The following ZNF536 variants were observed in gnomAD, a reference collection of about 807,000 sequenced individuals.
ZNF536 encodes the protein zinc finger protein 536.
ZNF536 carries 13 observed loss-of-function variants against 84.5 expected under a neutral mutation model. That is an observed-to-expected ratio of 0.15 (90% CI 0.10 to 0.24). ZNF536 has a LOEUF of 0.24. Among genes scored for constraint, ZNF536 ranks in the 10% least tolerant of loss-of-function variants. The pLI is 1.00. For missense variants in ZNF536, 1,536 were observed against 1,747.5 expected (o/e 0.88, Z 2.16); for synonymous variants, 811 against 742.5 (o/e 1.09, Z -1.50).
intron 1 of ZNF536, among the ~76,000 whole-genome samples, chr19:30,563,449 C>T (rs1369368560): frequency 6.6e-6 from 1 of 152,176 alleles, no homozygotes; most frequent in Non-Finnish European, 1.5e-5. Flanking sequence ...CTCTCGTGGC[C>T]AATCGGTGGC....
At chr19:30,421,256 C>G (rs974257695) in intron 1 of ZNF536, among the ~76,000 whole-genome samples, 1 of 152,114 alleles carries the variant, frequency 6.6e-6, no homozygotes, top group Admixed American at 6.5e-5. Context: ...CCCATTTATT[C>G]AGAACTTCTT....
At chr19:30,299,836 A>G (rs1308191253) in intron 2 of ZNF536, among the ~76,000 whole-genome samples, 18 of 152,202 alleles carry the variant, frequency 1.2e-4, no homozygotes, top group Admixed American at 6.5e-4. Flanking sequence ...TGCCATTTTT[A>G]TTACCTTAAA....
At chr19:30,327,139 A>G (rs546073166) in intron 2 of ZNF536, among the ~76,000 whole-genome samples, 316 of 152,318 alleles carry the variant, frequency 2.1e-3, no homozygotes, top group African/African-American at 7.2e-3. Flanking sequence ...AAGTTAATTC[A>G]TTAATAAAAA....
intron 2 of ZNF536, among the ~76,000 whole-genome samples, chr19:30,525,177 T>C (rs1408624157): frequency 3.1e-4 from 47 of 152,160 alleles, no homozygotes; most frequent in Non-Finnish European, 4.4e-5. Context: ...TCCACCTGGA[T>C]GGAGGGAGAA....
intron 1 of ZNF536, among the ~76,000 whole-genome samples, chr19:30,267,158 C>T (rs1417612290): frequency 1.3e-5 from 2 of 152,214 alleles, no homozygotes; most frequent in Non-Finnish European, 2.9e-5. Context: ...AATTTTGACT[C>T]ATCTGCTGTG....
chr19:30,252,432 G>T (rs543300252), intron 1 of ZNF536, among the ~76,000 whole-genome samples: 1 of 152,268 alleles, frequency 6.6e-6, no homozygotes, highest in African/African-American at 2.4e-5. Context: ...GCCTCTGGAG[G>T]TTGGAAGGCC....
intron 2 of ZNF536, among the ~76,000 whole-genome samples, chr19:30,330,259 GTAT>G (rs1280688978): frequency 1.3e-5 from 2 of 152,180 alleles, no homozygotes; most frequent in African/African-American, 4.8e-5. Context: ...GTGGCCAATA[GTAT>G]TATATTAAAA....
At chr19:30,402,796 A>ATATGTATATATAT (rs1555744993) in intron 1 of ZNF536, among the ~76,000 whole-genome samples, 1 of 85,610 alleles carries the variant, frequency 1.2e-5, no homozygotes, top group African/African-American at 3.8e-5. Flanking sequence ...AAAATTAAAA[A>ATATGTATATATAT]ATATATATAT....
At chr19:30,351,296 A>C (rs958963745) in intron 2 of ZNF536, among the ~76,000 whole-genome samples, 1 of 152,208 alleles carries the variant, frequency 6.6e-6, no homozygotes, top group Admixed American at 6.5e-5. Flanking sequence ...CTTGTTTCAG[A>C]ATCCTTGGAA....
At chr19:30,226,508 G>C (rs942164677), upstream of ZNF536, among the ~76,000 whole-genome samples, 1 of 151,784 alleles carries the variant, frequency 6.6e-6, no homozygotes, top group African/African-American at 2.4e-5. This position sits in a 1 kb window ranked among gnomAD's most constrained non-coding sequence, Gnocchi z 4.6. Context: ...CCTGTGCCCC[G>C]GGAGCCTGGC....
At chr19:30,595,531 T>C (rs2047433382) in intron 1 of ZNF536, among the ~76,000 whole-genome samples, 1 of 152,090 alleles carries the variant, frequency 6.6e-6, no homozygotes, top group Admixed American at 6.5e-5. Context: ...TAAGCAATCC[T>C]CCCACCTTGG....
intron 1 of ZNF536, among the ~76,000 whole-genome samples, chr19:30,669,386 T>A (rs2147701029): frequency 6.6e-6 from 1 of 152,258 alleles, no homozygotes; most frequent in African/African-American, 2.4e-5. Context: ...GCGGCCCCCA[T>A]CCCTCACACA....
At chr19:30,485,123 G>A (rs1017971591) in intron 2 of ZNF536, among the ~76,000 whole-genome samples, 9 of 151,356 alleles carry the variant, frequency 5.9e-5, no homozygotes, top group Non-Finnish European at 1.0e-4. Context: ...CAGCCTGGGC[G>A]ACAGTGTGAG....
chr19:30,383,303 C>G (rs2049096319), intron 1 of ZNF536, among the ~76,000 whole-genome samples: 1 of 105,996 alleles, frequency 9.4e-6, no homozygotes. Flanking sequence ...AACAAAGAAA[C>G]AAACAAACAA....
chr19:30,543,630 G>A (rs1347060566), intron 3 of ZNF536, among the ~76,000 whole-genome samples: 6 of 152,220 alleles, frequency 3.9e-5, no homozygotes, highest in Non-Finnish European at 5.9e-5. Context: ...GCTGGGAAGC[G>A]GTTCTCAGCT....
intron 1 of ZNF536, among the ~76,000 whole-genome samples, chr19:30,594,777 G>A (rs537586659): frequency 1.3e-5 from 2 of 152,138 alleles, no homozygotes; most frequent in East Asian, 3.9e-4. Context: ...CTTGGATCCT[G>A]CATTCCATTT....
chr19:30,579,435 G>A lies in ZNF536; in HGVS notation c.169+29921G>A, dbSNP rs185832557. 2.6e-5 allele frequency among the ~76,000 whole-genome samples: 4 copies of A among 152,272 alleles called. No homozygotes were observed. In the East Asian group the frequency reaches 5.8e-4, roughly 22 times the overall value. ...AGCTGGAGGATGGCTGGTCTAGGAT[G>A]GCTTTGACTGGGGTTCCTTAGTTCT... On this transcript the variant is annotated intron_variant, in intron 1 of 1. Transcript: ENST00000592773.
At chr19:30,537,536 C>T (rs1036631320) in intron 3 of ZNF536, among the ~76,000 whole-genome samples, 33 of 152,196 alleles carry the variant, frequency 2.2e-4, no homozygotes, top group African/African-American at 8.0e-4. Context: ...GGCGGTGCCT[C>T]TCAACGAGGG....
chr19:30,379,176 G>A (rs1372636176), intron 1 of ZNF536, among the ~76,000 whole-genome samples: 1 of 152,192 alleles, frequency 6.6e-6, no homozygotes, highest in Non-Finnish European at 1.5e-5. Context: ...CCTGACTAGA[G>A]CTTTCCTGAC....
Sources: gnomAD v4.1 joint callset for allele counts (sites outside exome capture counted in the v4.1 genomes callset) on GRCh38, gnomAD v4.1.1 for gene constraint, Gnocchi (gnomAD v3.1) non-coding constraint, MANE v1.5 for transcripts, NCBI Gene and HGNC (gene_info 2026-07-23, HGNC 2026-07-21) for gene names.